The following KLRG1 variants were observed in gnomAD, a reference collection of about 807,000 sequenced individuals.
KLRG1 encodes the protein killer cell lectin-like receptor subfamily G member 1.
A neutral mutation model predicts 21.8 loss-of-function variants in KLRG1; 16 were observed. The observed-to-expected ratio is 0.73, with a 90% CI of 0.50 to 1.11. The LOEUF (loss-of-function observed/expected upper bound fraction) is 1.11, where lower values mean the gene tolerates loss of function less well. Among genes scored for constraint, KLRG1 ranks in the 50% most tolerant of loss-of-function variants. The pLI is 0.00. For synonymous variants in KLRG1, 69 were observed against 75.9 expected, an observed-to-expected ratio of 0.91 and a Z score of 0.47; for missense variants, 173 against 218.3, an observed-to-expected ratio of 0.79 and a Z score of 1.31.
the KLRG1 span, among the ~76,000 whole-genome samples, chr12:9,109,692 TGAAGTCC>T: frequency 1.1e-4 from 17 of 152,204 alleles, no homozygotes; most frequent in Non-Finnish European, 2.2e-4. Flanking sequence ...CGAAGCTATG[TGAAGTCC>T]TATTCACAGA....
the KLRG1 span, chr12:9,192,356 G>T: frequency 7.5e-7 from 1 of 1,341,694 alleles, no homozygotes; most frequent in South Asian, 1.2e-5. Context: ...GTCTGTGCTG[G>T]AGAGAATCAA....
the KLRG1 span, chr12:9,068,205 C>T: frequency 1.2e-6 from 2 of 1,610,720 alleles, no homozygotes; most frequent in Admixed American, 3.3e-5. Flanking sequence ...GAGCATTGTA[C>T]TCAGCAATTG....
upstream of KLRG1, among the ~76,000 whole-genome samples, chr12:8,985,773 C>G (rs993334112): frequency 6.6e-6 from 1 of 152,172 alleles, no homozygotes; most frequent in Non-Finnish European, 1.5e-5. Flanking sequence ...CCAGGAATCT[C>G]CACAGGTTCA....
At chr12:9,195,520 A>G in the KLRG1 span, among the ~76,000 whole-genome samples, 1 of 151,012 alleles carries the variant, frequency 6.6e-6, no homozygotes, top group Non-Finnish European at 1.5e-5. Context: ...TATAACTCAC[A>G]GCAGCATCGA....
the KLRG1 span, among the ~76,000 whole-genome samples, chr12:9,072,107 A>G: frequency 6.6e-6 from 1 of 152,232 alleles, no homozygotes; most frequent in Non-Finnish European, 1.5e-5. Context: ...GGTCAGAGGC[A>G]ATGGGTAATA....
the KLRG1 span, among the ~76,000 whole-genome samples, chr12:9,070,126 G>T: frequency 2.0e-5 from 3 of 151,888 alleles, no homozygotes; most frequent in Admixed American, 6.6e-5. Flanking sequence ...TTCCTGTTTT[G>T]CTTGCTCTAT....
At chr12:9,162,116 C>G in the KLRG1 span, among the ~76,000 whole-genome samples, 1 of 152,156 alleles carries the variant, frequency 6.6e-6, no homozygotes, top group East Asian at 1.9e-4. Context: ...CGCCCGCCAC[C>G]AGGCCTGGCT....
At chr12:9,151,628 G>T in the KLRG1 span, 2 of 1,613,960 alleles carry the variant, frequency 1.2e-6, no homozygotes, top group Non-Finnish European at 1.7e-6. Context: ...TGAGGACATG[G>T]TTGTTGCTCA....
the KLRG1 span, chr12:9,160,920 A>G: frequency 4.9e-6 from 4 of 811,982 alleles, no homozygotes. Context: ...ATCTCAAAAA[A>G]ATAAAAAAGA....
chr12:9,030,476 G>A, the KLRG1 span, among the ~76,000 whole-genome samples: 2 of 151,544 alleles, frequency 1.3e-5, no homozygotes, highest in East Asian at 1.9e-4. Flanking sequence ...GCAAGGTCTT[G>A]GCTCACTGCA....
the KLRG1 span, chr12:9,112,149 G>T: frequency 3.1e-6 from 5 of 1,613,266 alleles, no homozygotes; most frequent in Non-Finnish European, 4.2e-6. Flanking sequence ...GTAGATAATA[G>T]AAAACTCACC....
chr12:8,956,659 C>A (rs900040687), intron 1 of KLRG1, among the ~76,000 whole-genome samples: 1 of 152,170 alleles, frequency 6.6e-6, no homozygotes, highest in Non-Finnish European at 1.5e-5. Flanking sequence ...GTTGGCCCGG[C>A]TGGTCTCGAA....
At position 8,951,478 on chromosome 12, in the gene KLRG1, T is replaced by C. The variant is rs950458839; in HGVS notation, c.-156+1242T>C. ...AGTGAGAACCTATCTCAAAAAGATA[T>C]GTATGTATCAAATATTTTTCCATAT... On this transcript the variant is annotated intron_variant, in intron 1 of 4. Coordinates refer to the KLRG1 transcript ENST00000539240. Among the ~76,000 whole-genome samples the C allele has an allele frequency of 5.3e-5, 8 of 152,200 alleles. No individual in the cohort carries two copies. The East Asian group carries it at 1.5e-3, about 29-fold the overall frequency.
chr12:9,117,873 A>G, the KLRG1 span, among the ~76,000 whole-genome samples: 30 of 152,348 alleles, frequency 2.0e-4, no homozygotes, highest in African/African-American at 6.7e-4. Context: ...TAAAATTGTT[A>G]ATGATATCTT....
At chr12:9,206,796 G>A in the KLRG1 span, among the ~76,000 whole-genome samples, 1 of 152,104 alleles carries the variant, frequency 6.6e-6, no homozygotes, top group Non-Finnish European at 1.5e-5. Flanking sequence ...CAGACACAAC[G>A]TAAAAGGATG....
rs1345965299 is a variant in KLRG1 at position 8,992,328 on chromosome 12, C to A, written c.187+18C>A. The A allele has an allele frequency of 2.0e-6, 3 of 1,507,598 alleles. No homozygotes were observed. Among genetic ancestry groups the A allele is most frequent in the African/African-American group, 2.8e-5 (2 of 71,248 alleles). The allele number at this position is 1,507,598 out of a possible 1,614,324, so 93.4% of individuals were successfully genotyped here. On this transcript the variant is annotated intron_variant, in intron 2 of 4. Transcript: ENST00000356986. Reference sequence around the variant, plus strand: ...GTGCCAGGGTAAGTGCAAACTTAAACCAAAATTAATCTTTCATTTTATATT... The same window carrying A: ...GTGCCAGGGTAAGTGCAAACTTAAAACAAAATTAATCTTTCATTTTATATT...
the KLRG1 span, chr12:9,027,625 A>C: frequency 1.1e-6 from 1 of 875,914 alleles, no homozygotes; most frequent in Non-Finnish European, 1.9e-6. Context: ...CCACCACCAC[A>C]GGGGCCAGAG....
At chr12:9,074,869 A>G in the KLRG1 span, 6 of 1,319,920 alleles carry the variant, frequency 4.5e-6, 1 homozygote, top group South Asian at 8.2e-5. Flanking sequence ...TGCTGAAATG[A>G]GAATTGCATG....
the KLRG1 span, among the ~76,000 whole-genome samples, chr12:9,052,391 G>A: frequency 1.4e-4 from 21 of 152,298 alleles, no homozygotes; most frequent in East Asian, 3.9e-3. Flanking sequence ...ATCGTGAGCA[G>A]CACTGGTCAC....
Sources: allele counts gnomAD v4.1 joint callset (sites outside exome capture counted in the v4.1 genomes callset), GRCh38; gene constraint gnomAD v4.1.1; transcripts MANE v1.5; gene names NCBI Gene and HGNC (gene_info 2026-07-23, HGNC 2026-07-21).